SPARC: variants seen among roughly 807,000 people sequenced by gnomAD.
The protein encoded by SPARC is basement-membrane protein 40.
SPARC carries 23 observed loss-of-function variants against 37.7 expected under a neutral mutation model. The observed-to-expected ratio is 0.61, with a 90% CI of 0.44 to 0.87. The LOEUF is 0.87. SPARC is among the 40% of genes least tolerant of loss of function. SPARC has a pLI of 0.00. For synonymous variants in SPARC, 155 were observed against 150.8 expected (o/e 1.03, Z -0.20); for missense variants, 312 against 389.0 (o/e 0.80, Z 1.66).
intron 7 of SPARC, 122 bp downstream of exon 7, chr5:151,667,345 G>C: frequency 9.4e-7 from 1 of 1,061,058 alleles, no homozygotes; most frequent in Non-Finnish European, 1.4e-6. Context: ...TACGTGTCCT[G>C]GTGCTCAGGG....
At chr5:151,668,117 ACTTTTCTTTTC>A (rs1760669079) in intron 6 of SPARC, among the ~76,000 whole-genome samples, 1 of 151,304 alleles carries the variant, frequency 6.6e-6, no homozygotes, top group Non-Finnish European at 1.5e-5. Flanking sequence ...CCAAGTCCAC[ACTTTTCTTTTC>A]CTTTTCTTTT....
At chr5:151,668,153 TC>T (rs778770648) in intron 6 of SPARC, among the ~76,000 whole-genome samples, 9 of 95,350 alleles carry the variant, frequency 9.4e-5, no homozygotes, top group Non-Finnish European at 1.9e-4. Context: ...TTTCTTTTTT[TC>T]TTCTTTTTTT....
intron 5 of SPARC, 115 bp downstream of exon 5, chr5:151,671,458 A>G (rs537321574): frequency 8.0e-7 from 1 of 1,256,238 alleles, no homozygotes; most frequent in East Asian, 2.6e-5. Flanking sequence ...TAGCAAGGGG[A>G]CTTCTGAGAC....
intron 3 of SPARC, 68 bp from the exon 4 acceptor site, chr5:151,673,284 A>AGG (rs1760786423): frequency 1.9e-6 from 2 of 1,067,610 alleles, no homozygotes; most frequent in African/African-American, 3.1e-5. Flanking sequence ...GGGTAGCTGA[A>AGG]GGGTTCCAGG....
chr5:151,667,980 G>A (rs1299772902), intron 6 of SPARC, among the ~76,000 whole-genome samples: 1 of 152,144 alleles, frequency 6.6e-6, no homozygotes, highest in Admixed American at 6.5e-5. Context: ...TCTATCCACA[G>A]GCCCAGCTTG....
intron 1 of SPARC, among the ~76,000 whole-genome samples, chr5:151,683,874 C>T (rs1425926344): frequency 6.6e-6 from 1 of 152,158 alleles, no homozygotes; most frequent in African/African-American, 2.4e-5. Context: ...TTTAGCTGAG[C>T]CAGTGGGTGC....
At chr5:151,674,340 G>A (rs1760811911) in intron 3 of SPARC, among the ~76,000 whole-genome samples, 1 of 152,074 alleles carries the variant, frequency 6.6e-6, no homozygotes, top group Non-Finnish European at 1.5e-5. Context: ...TGCAAAAACT[G>A]TGGGTAATCA....
intron 2 of SPARC, among the ~76,000 whole-genome samples, chr5:151,675,614 T>C (rs1208072600): frequency 6.6e-6 from 1 of 152,236 alleles, no homozygotes. Context: ...TCCCAAAGCC[T>C]AGAGCTGCCC....
At position 151,671,086 on chromosome 5, in the gene SPARC, G is replaced by T. The variant is rs148756219; in HGVS notation, c.330+487C>A. ...AATTTAAAATTAAGTAGCATTTATT[G>T]GATACTTGTTATGTACCAAACATTT... On this transcript the variant is annotated intron_variant, in intron 5 of 9. Coordinates refer to ENST00000231061, the MANE Select transcript of SPARC (RefSeq NM_003118.4). Among the ~76,000 whole-genome samples the T allele has an allele frequency of 1.5e-3, 235 of 152,256 alleles. 3 individuals are homozygous for T. The highest frequency in any genetic ancestry group is 5.2e-3 in the African/African-American group (215 of 41,538).
intron 8 of SPARC, among the ~76,000 whole-genome samples, chr5:151,664,745 G>A (rs1193212638): frequency 2.0e-5 from 3 of 152,136 alleles, no homozygotes; most frequent in Admixed American, 2.0e-4. Flanking sequence ...CTTCTGGGGA[G>A]GAATGTGGAA....
chr5:151,677,756 C>A (rs1039052425), intron 1 of SPARC, among the ~76,000 whole-genome samples: 10 of 152,166 alleles, frequency 6.6e-5, no homozygotes, highest in African/African-American at 2.4e-4. Flanking sequence ...AGAGGAAGAG[C>A]CCACTTCATA....
chr5:151,685,882 C>A (rs1761128474), intron 1 of SPARC: 2 of 152,128 alleles, frequency 1.3e-5, no homozygotes, highest in South Asian at 4.1e-4. Context: ...CCCTTGGAGT[C>A]CTTGGAGTCC....
rs34827878 is a variant in SPARC, at chr5:151,664,160, G to C, written c.810C>G (p.Phe270Leu). 4 of 1,614,154 alleles carry C rather than the reference G, an allele frequency of 2.5e-6. No individual in the cohort carries two copies. The highest frequency in any genetic ancestry group is 2.5e-6 in the Non-Finnish European group (3 of 1,180,024). Residue 270 changes from phenylalanine to leucine, a missense_variant, in exon 9 of 10, where the codon TTC (phenylalanine) becomes TTG (leucine). Transcript: ENST00000231061. ...IPMEHCTTRF[F>L]ETCDLDNDKY... is the part of the protein sequence containing the mutation. ...TGTCATTGTCCAGGTCACAGGTCTC[G>C]AAAAAGCGGGTGGTGCAATGCTCCA...
chr5:151,667,757 G>A, intron 6 of SPARC, 157 bp from the exon 7 acceptor site: 1 of 764,684 alleles, frequency 1.3e-6, no homozygotes, highest in South Asian at 1.8e-5. Context: ...AATGAGCAGA[G>A]GAGATTATGT....
rs1455601708 is a variant in SPARC at position 151,661,455 on chromosome 5, T to C, written c.*2116A>G. 6.6e-6 allele frequency: 1 copy of C among 152,212 alleles called. No individual in the cohort carries two copies. Among genetic ancestry groups the C allele is most frequent in the Non-Finnish European group, 1.5e-5 (1 of 68,038 alleles). 9.4% of individuals were successfully genotyped at this position (152,212 alleles called of 1,614,324 possible). A position where few individuals can be genotyped will look rare whatever the true frequency, so the allele number is the denominator to read the frequency against. On this transcript the variant is annotated 3_prime_UTR_variant, in exon 10 of 10. Transcript: ENST00000231061. Reference sequence around the variant, plus strand: ...AGAACACCAGAATACAGTTTGATTTTTTAGGAGCTTTTATTGTTTTAGTAA... The same window carrying C: ...AGAACACCAGAATACAGTTTGATTTCTTAGGAGCTTTTATTGTTTTAGTAA...
chr5:151,673,121 G>T lies in SPARC; in HGVS notation c.208+8C>A. 6.2e-7 allele frequency: 1 copy of T among 1,607,288 alleles called. No homozygotes were observed. The highest frequency in any genetic ancestry group is 1.7e-4 in the Middle Eastern group (1 of 6,046). On this transcript the variant is annotated splice_region_variant and intron_variant, in intron 4 of 9. Transcript: ENST00000231061. ...TTGGATGTGCCAAGTTACAGGGAAG[G>T]GACATACTTTCCGCCACCACCTCCT...
chr5:151,665,208 C>T (rs1760595642), intron 8 of SPARC, among the ~76,000 whole-genome samples: 1 of 152,192 alleles, frequency 6.6e-6, no homozygotes, highest in Non-Finnish European at 1.5e-5. Flanking sequence ...AGCTGGACCC[C>T]TTTCCCAGAT....
intron 1 of SPARC, among the ~76,000 whole-genome samples, chr5:151,677,589 A>T (rs900276173): frequency 1.3e-5 from 2 of 152,268 alleles, no homozygotes; most frequent in African/African-American, 4.8e-5. Context: ...CCATCTATCA[A>T]TTGAAATGGG....
rs564590529 is a variant in SPARC at position 151,683,022 on chromosome 5, C to G, written c.-14+3843G>C. Reference sequence around the variant, plus strand: ...GGAGAGGCTGTTTCTCTAAATAATTCCGTCAAGTCACTACTTGCTGGCCCT... The same window carrying G: ...GGAGAGGCTGTTTCTCTAAATAATTGCGTCAAGTCACTACTTGCTGGCCCT... On this transcript the variant is annotated intron_variant, in intron 1 of 9. Transcript: ENST00000231061. 2.0e-5 allele frequency among the ~76,000 whole-genome samples: 3 copies of G among 151,964 alleles called. No individual in the cohort carries two copies. In the East Asian group the frequency reaches 5.8e-4, roughly 29 times the overall value.
Sources: allele counts gnomAD v4.1 joint callset (sites outside exome capture counted in the v4.1 genomes callset), GRCh38; gene constraint gnomAD v4.1.1; transcripts MANE v1.5; gene names NCBI Gene and HGNC (gene_info 2026-07-23, HGNC 2026-07-21).